Variants in ACTN1 observed in about 807,000 individuals in gnomAD.
The protein encoded by ACTN1 is alpha-actinin-1.
ACTN1 carries 30 observed loss-of-function variants against 119.6 expected under a neutral mutation model. The ratio of observed to expected loss-of-function variants is 0.25; its 90% CI spans 0.19 to 0.34. The LOEUF (loss-of-function observed/expected upper bound fraction) is 0.34, where lower values mean the gene tolerates loss of function less well. ACTN1 is among the 10% of genes least tolerant of loss of function. The probability of loss-of-function intolerance (pLI) is 1.00; values close to 1 mark genes in which losing one functional copy is unlikely to be tolerated. For synonymous variants in ACTN1, 429 were observed against 472.6 expected (o/e 0.91, Z 1.20); for missense variants, 764 against 1,223.4 (o/e 0.62, Z 5.60).
intron 21 of ACTN1, among the ~76,000 whole-genome samples, chr14:68,875,506 G>A (rs1276294953): frequency 6.6e-6 from 1 of 152,238 alleles, no homozygotes; most frequent in Non-Finnish European, 1.5e-5. Context: ...ATATGGCCAG[G>A]CTATGTTAAG....
Position 68,963,944 on chromosome 14 carries a change from T to C in ACTN1, c.105+15008A>G, listed in dbSNP as rs185450676. Among the ~76,000 whole-genome samples, 514 of 152,338 alleles carry C rather than the reference T, an allele frequency of 3.4e-3. 2 individuals are homozygous for C. Among genetic ancestry groups the C allele is most frequent in the Middle Eastern group, 0.024 (7 of 294 alleles). On this transcript the variant is annotated intron_variant, in intron 1 of 21. Coordinates refer to ENST00000394419, the MANE Select transcript of ACTN1 (RefSeq NM_001130004.2). ...GTTTTAAAAAAATTCATTCATTTAT[T>C]CATGCAACTAGCATGCATCATGGAT... is the stretch of plus-strand genomic sequence containing the variant.
Position 68,921,039 on chromosome 14 carries a change from T to G in ACTN1, c.307A>C (p.Lys103Gln), listed in dbSNP as rs781346816. Residue 103 changes from lysine (K) to glutamine (Q), a missense_variant, in exon 3 of 22, where the codon AAA becomes CAA. By Grantham distance (53) the Lys-to-Gln change is moderately conservative. Coordinates refer to ENST00000394419, the MANE Select transcript of ACTN1 (RefSeq NM_001130004.2). Reference protein sequence around the residue: ...VNKALDFIASKGVKLVSIGAE... With the variant: ...VNKALDFIASQGVKLVSIGAE... ...CCGATGGACACCAGTTTGACGCCTTTGCTGGCTATGAAATCCAGGGCCTTG... is the reference window on the plus strand; with the variant it reads ...CCGATGGACACCAGTTTGACGCCTTGGCTGGCTATGAAATCCAGGGCCTTG... The G allele has an allele frequency of 3.7e-6, 6 of 1,614,190 alleles. No homozygotes were observed. Among genetic ancestry groups the G allele is most frequent in the Non-Finnish European group, 5.1e-6 (6 of 1,180,014 alleles).
intron 4 of ACTN1, among the ~76,000 whole-genome samples, chr14:68,910,385 A>G (rs1274646909): frequency 2.0e-5 from 3 of 151,728 alleles, no homozygotes; most frequent in African/African-American, 7.3e-5. Context: ...GGGGAGGAAG[A>G]TTTGATCTGG....
intron 6 of ACTN1, among the ~76,000 whole-genome samples, chr14:68,906,117 T>G (rs2033655680): frequency 6.6e-6 from 1 of 152,174 alleles, no homozygotes; most frequent in Non-Finnish European, 1.5e-5. Context: ...GGGTACAGAC[T>G]TTCAGTTTTG....
Position 68,923,977 on chromosome 14 carries a change from G to A in ACTN1, c.220+1581C>T, listed in dbSNP as rs537319030. On this transcript the variant is annotated intron_variant, in intron 2 of 21. Coordinates refer to ENST00000394419, the MANE Select transcript of ACTN1 (RefSeq NM_001130004.2). ...TGGCGGCACATGCTCCAACATGGAT[G>A]AACCGTGAAGACACAGTAAGTGAAA... Among the ~76,000 whole-genome samples the A allele has an allele frequency of 4.6e-5, 7 of 152,354 alleles. No homozygotes were observed. In the East Asian group the frequency reaches 1.3e-3, roughly 29 times the overall value.
intron 21 of ACTN1, 139 bp from the exon 22 acceptor site, chr14:68,875,156 G>A (rs917241748): frequency 1.2e-5 from 18 of 1,529,956 alleles, no homozygotes; most frequent in African/African-American, 1.4e-5. Flanking sequence ...ACTACAGGAT[G>A]TACGGACGTA....
At chr14:68,954,287 TC>T (rs2036274593) in intron 1 of ACTN1, among the ~76,000 whole-genome samples, 1 of 152,160 alleles carries the variant, frequency 6.6e-6, no homozygotes, top group African/African-American at 2.4e-5. Context: ...AGCACTTTTT[TC>T]CCCCAGTTTT....
chr14:68,875,240 C>A, intron 21 of ACTN1: 1 of 1,289,020 alleles, frequency 7.8e-7, no homozygotes, highest in African/African-American at 1.5e-5. Context: ...ACTTCAGTAC[C>A]TACTTTGTAA....
Position 68,881,936 on chromosome 14 carries a change from C to CTTTTTTTTTTTTTTTT in ACTN1, c.1953+506_1953+521dup, listed in dbSNP as rs781067137. Among the ~76,000 whole-genome samples, 393 of 58,352 alleles carry CTTTTTTTTTTTTTTTT rather than the reference C, an allele frequency of 6.7e-3. 23 individuals are homozygous for CTTTTTTTTTTTTTTTT. The highest frequency in any genetic ancestry group is 0.01 in the Non-Finnish European group (336 of 33,012). The allele number at this position is 58,352 out of a possible 152,430, so 38.3% of individuals were successfully genotyped here. On this transcript the variant is annotated intron_variant, in intron 16 of 21. Coordinates refer to ENST00000394419, the MANE Select transcript of ACTN1 (RefSeq NM_001130004.2). The stretch of plus-strand genomic sequence containing the variant: ...AGTATGGGACTTTCATAGGCAGCTT[C>CTTTTTTTTTTTTTTTT]TTTTTTTTTTTTTTTTTTTGACAGA...
At chr14:68,976,381 C>T (rs1424633185) in intron 1 of ACTN1, among the ~76,000 whole-genome samples, 2 of 152,154 alleles carry the variant, frequency 1.3e-5, no homozygotes, top group Non-Finnish European at 2.9e-5. Flanking sequence ...GTGTCAAAAG[C>T]AACACGTTTA....
At chr14:68,977,935 G>T (rs1436139712) in intron 1 of ACTN1, 1 of 455,970 alleles carries the variant, frequency 2.2e-6, no homozygotes, top group African/African-American at 2.0e-5. Context: ...TGGCCGCCTG[G>T]GGGCACAGGC....
chr14:68,956,274 T>C (rs2036348713), intron 1 of ACTN1, among the ~76,000 whole-genome samples: 1 of 152,198 alleles, frequency 6.6e-6, no homozygotes, highest in Non-Finnish European at 1.5e-5. Context: ...GAGACCCACC[T>C]GGGCAACATG....
In ACTN1 at chr14:68,874,950, C is replaced by A; in HGVS notation, c.2654G>T (p.Arg885Leu). The A allele has an allele frequency of 6.2e-7, 1 of 1,613,526 alleles. No individual in the cohort carries two copies. Among genetic ancestry groups the A allele is most frequent in the Non-Finnish European group, 8.5e-7 (1 of 1,179,758 alleles). Reference protein sequence around the residue: ...PPDQAEYCIARMAPYTGPDSV... With the variant: ...PPDQAEYCIALMAPYTGPDSV... Reference sequence around the variant, plus strand: ...GTCGGGGCCGGTGTAGGGGGCCATCCGCGCGATGCAGTACTCAGCCTGGTC... The same window carrying A: ...GTCGGGGCCGGTGTAGGGGGCCATCAGCGCGATGCAGTACTCAGCCTGGTC... The change falls in exon 22 of 22, where the codon CGG becomes CTG. Residue 885 changes from arginine (R) to leucine (L), a missense_variant. Arg to Leu is a moderately radical substitution (Grantham distance 102). Around this residue, in one of 4 missense-constraint regions of ACTN1, gnomAD observed 102 missense variants for 78.2 expected, o/e 1.30. Transcript: ENST00000394419.
At chr14:68,901,692 G>C (rs1041368746) in intron 8 of ACTN1, among the ~76,000 whole-genome samples, 12 of 152,214 alleles carry the variant, frequency 7.9e-5, no homozygotes, top group African/African-American at 2.9e-4. Context: ...GGTGTATGCT[G>C]CCTAAGCCTG....
intron 4 of ACTN1, among the ~76,000 whole-genome samples, chr14:68,911,815 C>T (rs1022701477): frequency 6.6e-6 from 1 of 152,174 alleles, no homozygotes; most frequent in African/African-American, 2.4e-5. Context: ...ACGGGGTTAG[C>T]GCCCCTCCTG....
At chr14:68,942,183 C>T (rs906703060) in intron 1 of ACTN1, among the ~76,000 whole-genome samples, 6 of 151,210 alleles carry the variant, frequency 4.0e-5, no homozygotes, top group Non-Finnish European at 7.4e-5. Flanking sequence ...CCTGCAGGAA[C>T]CTACGCAACA....
chr14:68,895,474 G>A (rs1393360397), intron 8 of ACTN1, among the ~76,000 whole-genome samples: 1 of 152,112 alleles, frequency 6.6e-6, no homozygotes, highest in Non-Finnish European at 1.5e-5. Flanking sequence ...CAGCCTCATG[G>A]GACTGACTGG....
At chr14:68,905,907 C>T (rs1287701459) in intron 6 of ACTN1, among the ~76,000 whole-genome samples, 5 of 150,478 alleles carry the variant, frequency 3.3e-5, no homozygotes, top group South Asian at 4.2e-4. Flanking sequence ...TGCTTGAACC[C>T]GGGAGGCAGA....
intron 1 of ACTN1, among the ~76,000 whole-genome samples, chr14:68,968,283 A>G (rs1359144220): frequency 2.0e-5 from 3 of 152,220 alleles, no homozygotes; most frequent in African/African-American, 7.2e-5. Context: ...CCGCAGAGGC[A>G]GGAAGCCGGG....
Sources: gnomAD v4.1 joint callset for allele counts (sites outside exome capture counted in the v4.1 genomes callset) on GRCh38, gnomAD v4.1.1 for gene constraint, gnomAD v4.1.1 regional missense constraint, MANE v1.5 for transcripts, NCBI Gene and HGNC (gene_info 2026-07-23, HGNC 2026-07-21) for gene names.